Variants in AP2B1 observed in about 807,000 individuals in gnomAD.
AP2B1 encodes AP-2 complex subunit beta.
Under a neutral mutation model 102.0 loss-of-function variants are expected in AP2B1, and 23 were observed. The ratio of observed to expected loss-of-function variants is 0.23; its 90% CI spans 0.16 to 0.32. AP2B1 has a LOEUF of 0.32. AP2B1 is among the 10% of genes least tolerant of loss of function. The pLI is 1.00. For synonymous variants in AP2B1, 381 were observed against 421.2 expected, an observed-to-expected ratio of 0.90 and a Z score of 1.17; for missense variants, 541 against 1,157.4, an observed-to-expected ratio of 0.47 and a Z score of 7.73.
intron 14 of AP2B1, among the ~76,000 whole-genome samples, chr17:35,669,111 C>G (rs2075531994): frequency 6.7e-6 from 1 of 148,832 alleles, no homozygotes; most frequent in South Asian, 2.1e-4. Flanking sequence ...TCACACTTTT[C>G]TAGTTACTCA....
intron 5 of AP2B1, among the ~76,000 whole-genome samples, chr17:35,614,645 G>C (rs1156278994): frequency 1.6e-4 from 14 of 85,992 alleles, no homozygotes; most frequent in African/African-American, 6.1e-4. Flanking sequence ...ATTGCAAACT[G>C]TTGAATTAGT....
chr17:35,601,575 C>G (rs1433083709), intron 3 of AP2B1, among the ~76,000 whole-genome samples: 1 of 150,036 alleles, frequency 6.7e-6, no homozygotes, highest in African/African-American at 2.5e-5. Context: ...GGCCAAGATT[C>G]ATATAGATGA....
At chr17:35,600,057 A>G (rs113971894) in intron 3 of AP2B1, among the ~76,000 whole-genome samples, 1,527 of 152,278 alleles carry the variant, frequency 0.01, 20 homozygotes, top group African/African-American at 0.035. Flanking sequence ...AAAGAGGAAA[A>G]CAACCATTTG....
intron 9 of AP2B1, among the ~76,000 whole-genome samples, chr17:35,633,824 C>T (rs2074531074): frequency 6.6e-6 from 1 of 152,082 alleles, no homozygotes; most frequent in African/African-American, 2.4e-5. Context: ...GTAAAAATGT[C>T]TTTTTACAGT....
intron 18 of AP2B1, among the ~76,000 whole-genome samples, chr17:35,708,829 G>A (rs1275708246): frequency 1.3e-5 from 2 of 152,198 alleles, no homozygotes; most frequent in Middle Eastern, 6.8e-3. Context: ...CATTATCTGC[G>A]AAATGAGAGG....
At chr17:35,700,208 C>T (rs777095209) in intron 18 of AP2B1, among the ~76,000 whole-genome samples, 10 of 151,592 alleles carry the variant, frequency 6.6e-5, no homozygotes, top group South Asian at 2.1e-4. Context: ...CAGAAACGGC[C>T]GCTTCTGCTT....
In AP2B1 at chr17:35,724,385, G is replaced by A. The variant is rs1011724938; in HGVS notation, c.*686G>A. ...ATTTGATTGCTCTGCAGTTGGGAAC[G>A]GTGATCTTCTTGAATGATGTTTCAG... On this transcript the variant is annotated 3_prime_UTR_variant, in exon 22 of 22. Coordinates refer to ENST00000610402, the MANE Select transcript of AP2B1 (RefSeq NM_001030006.2). 5.9e-5 allele frequency: 9 copies of A among 152,042 alleles called. No individual in the cohort carries two copies. The highest frequency in any genetic ancestry group is 2.0e-4 in the Admixed American group (3 of 15,270). 9.4% of individuals were successfully genotyped at this position (152,042 alleles called of 1,614,324 possible).
At chr17:35,654,306 T>C (rs1430738745) in intron 13 of AP2B1, among the ~76,000 whole-genome samples, 1 of 151,994 alleles carries the variant, frequency 6.6e-6, no homozygotes, top group Non-Finnish European at 1.5e-5. Flanking sequence ...TCAGGTGATC[T>C]GCCGACCTTG....
intron 17 of AP2B1, among the ~76,000 whole-genome samples, chr17:35,680,123 G>C (rs1241579603): frequency 6.6e-6 from 1 of 151,986 alleles, no homozygotes; most frequent in African/African-American, 2.4e-5. Context: ...GGCCAGGCTG[G>C]TCTCAAACTC....
chr17:35,617,129 T>C (rs225248), intron 5 of AP2B1, among the ~76,000 whole-genome samples: 132,473 of 152,222 alleles, frequency 0.87, 58,049 homozygotes, highest in African/African-American at 0.97. Context: ...AATCTCGGCT[T>C]ACTGCAACCT....
chr17:35,642,584 A>G (rs1001875140), intron 12 of AP2B1, among the ~76,000 whole-genome samples: 1 of 152,226 alleles, frequency 6.6e-6, no homozygotes, highest in Non-Finnish European at 1.5e-5. Context: ...TGTAACTAGT[A>G]TAATGATCAT....
chr17:35,720,543 A>ATT lies in AP2B1; in HGVS notation c.2782-3080_2782-3079dup, dbSNP rs1305515475. On this transcript the variant is annotated intron_variant, in intron 21 of 21. Coordinates refer to ENST00000610402, the MANE Select transcript of AP2B1 (RefSeq NM_001030006.2). ...CCTTTGTCCCATATATTTTTATTTT[A>ATT]TTTATATATATATATATATATATAT... Among the ~76,000 whole-genome samples, 62 of 57,302 alleles carry ATT rather than the reference A, an allele frequency of 1.1e-3. 1 individual carries two copies. Among genetic ancestry groups the ATT allele is most frequent in the South Asian group, 3.7e-3 (5 of 1,334 alleles). The allele number at this position is 57,302 out of a possible 152,430, so 37.6% of individuals were successfully genotyped here. A position where few individuals can be genotyped will look rare whatever the true frequency, so the allele number is the denominator to read the frequency against.
chr17:35,606,387 C>T (rs1221301601), intron 4 of AP2B1, among the ~76,000 whole-genome samples: 1 of 151,724 alleles, frequency 6.6e-6, no homozygotes, highest in Non-Finnish European at 1.5e-5. Flanking sequence ...TTACAGGTGA[C>T]CGTCACCATG....
intron 5 of AP2B1, among the ~76,000 whole-genome samples, chr17:35,620,930 A>T (rs1310844544): frequency 1.3e-5 from 2 of 152,226 alleles, no homozygotes; most frequent in African/African-American, 2.4e-5. Context: ...ATTTTTTGAC[A>T]GGAGAAGTGT....
In AP2B1 at chr17:35,671,899, C is replaced by A; in HGVS notation, c.2177C>A (p.Ala726Asp). The change falls in exon 16 of 22, where the codon GCT becomes GAT. Residue 726 changes from alanine to aspartate, a missense_variant and splice_region_variant. Physicochemically the swap from Ala to Asp is moderately radical, Grantham distance 126. Coordinates refer to ENST00000610402, the MANE Select transcript of AP2B1 (RefSeq NM_001030006.2). ...CCTGGTGGATATGTGGCTCCTAAGGCTGTAAGTAAAGAGTTAACATAGCAA... is the reference window on the plus strand; with the variant it reads ...CCTGGTGGATATGTGGCTCCTAAGGATGTAAGTAAAGAGTTAACATAGCAA... Reference protein sequence around the residue: ...MAPGGYVAPKAVWLPAVKAKG... With the variant: ...MAPGGYVAPKDVWLPAVKAKG... 6.2e-7 allele frequency: 1 copy of A among 1,613,920 alleles called. No homozygotes were observed. The highest frequency in any genetic ancestry group is 8.5e-7 in the Non-Finnish European group (1 of 1,179,910).
rs1413705125 is a variant in AP2B1 at position 35,608,154 on chromosome 17, C to T, written c.292C>T (p.Pro98Ser). The T allele has an allele frequency of 2.5e-6, 4 of 1,613,276 alleles. No homozygotes were observed. Among genetic ancestry groups the T allele is most frequent in the Non-Finnish European group, 3.4e-6 (4 of 1,180,030 alleles). ...VNSFVKDCEDPNPLIRALAVR... is the reference protein window; with the variant it reads ...VNSFVKDCEDSNPLIRALAVR... ...TTGTTTTCTGCAGGACTGTGAAGAT[C>T]CTAATCCTTTGATTCGAGCCTTGGC... Residue 98 changes from proline to serine, a missense_variant, in exon 5 of 22, where the codon CCT (proline) becomes TCT (serine). Pro to Ser is a moderately conservative substitution (Grantham distance 74, BLOSUM62 -1). Around this residue, in one of 10 missense-constraint regions of AP2B1, gnomAD observed 28 missense variants for 98.3 expected, o/e 0.28. Transcript: ENST00000610402.
At chr17:35,662,387 T>C (rs1386122792) in intron 14 of AP2B1, among the ~76,000 whole-genome samples, 3 of 152,166 alleles carry the variant, frequency 2.0e-5, no homozygotes. Context: ...TAAATTCAAG[T>C]AATGTAGTTT....
At chr17:35,604,750 T>G (rs2073610706) in intron 3 of AP2B1, among the ~76,000 whole-genome samples, 1 of 152,098 alleles carries the variant, frequency 6.6e-6, no homozygotes, top group South Asian at 2.1e-4. Context: ...AGAGTGAGAC[T>G]CTGTCTCAAA....
Position 35,650,616 on chromosome 17 carries a change from C to G in AP2B1, c.1623C>G (p.Val541=). Residue 541 remains valine, a synonymous_variant, in exon 13 of 22, where the codon GTC becomes GTG. Transcript: ENST00000610402. ...ACCCTGTTACAGCTAAAGAAGTAGT[C>G]TTGTCTGAGAAGCCACTGATCTCTG... ...STDPVTAKEV[V]LSEKPLISEE... The G allele has an allele frequency of 6.2e-7, 1 of 1,614,130 alleles. No individual in the cohort carries two copies. The highest frequency in any genetic ancestry group is 1.3e-5 in the African/African-American group (1 of 75,014).
Sources: allele counts gnomAD v4.1 joint callset (sites outside exome capture counted in the v4.1 genomes callset), GRCh38; gene constraint gnomAD v4.1.1; regional missense constraint gnomAD v4.1.1; transcripts MANE v1.5; gene names NCBI Gene and HGNC (gene_info 2026-07-23, HGNC 2026-07-21).